The following BICC1 variants were observed in gnomAD, a reference collection of about 807,000 sequenced individuals.
BICC1 encodes the protein BicC family RNA binding protein 1, also known as protein bicaudal C homolog 1.
In BICC1, 43 loss-of-function variants were observed where a neutral mutation model predicts 111.0. That is an observed-to-expected ratio of 0.39 (90% confidence interval 0.30 to 0.50). BICC1 has a LOEUF of 0.50. Among genes scored for constraint, BICC1 ranks in the 20% least tolerant of loss-of-function variants. BICC1 has a pLI of 0.88. For missense variants in BICC1, 1,091 were observed against 1,203.2 expected (o/e 0.91, Z 1.38); for synonymous variants, 467 against 434.4 (o/e 1.07, Z -0.93).
At position 58,789,317 on chromosome 10, in the gene BICC1, C is replaced by T. The variant is rs758125959; in HGVS notation, c.656C>T (p.Pro219Leu). The change falls in exon 7 of 21, where the codon CCG becomes CTG. Residue 219 changes from proline (P) to leucine (L), a missense_variant. This residue lies in a region of BICC1 where 843 missense variants were observed against 900.8 expected (regional missense o/e 0.94). Transcript: ENST00000373886. ...CTACCAATTGCTGGAATTCTTCAAC[C>T]GGTTCCTGATCCTAATTCCCCCTCT... ...FELPIAGILQ[P>L]VPDPNSPSIQ... The T allele has an allele frequency of 4.0e-5, 65 of 1,613,778 alleles. No individual in the cohort carries two copies. Among genetic ancestry groups the T allele is most frequent in the East Asian group, 1.1e-4 (5 of 44,870 alleles).
intron 1 of BICC1, among the ~76,000 whole-genome samples, chr10:58,549,359 TG>T (rs1366507354): frequency 6.6e-6 from 1 of 152,174 alleles, no homozygotes; most frequent in East Asian, 1.9e-4. Context: ...TTTAAGACAC[TG>T]CCAAACTGTA....
intron 2 of BICC1, among the ~76,000 whole-genome samples, chr10:58,688,967 A>C (rs1482776390): frequency 6.6e-6 from 1 of 152,178 alleles, no homozygotes; most frequent in African/African-American, 2.4e-5. Flanking sequence ...ACCATGGCAC[A>C]TGTATACCTG....
In BICC1 at chr10:58,513,115, A is replaced by C; in HGVS notation, c.-29A>C. Reference sequence around the variant, plus strand: ...GCAGCGCAGGCAGAGCGGCGGCGGCAGCGGGAGCCCGAGCGCTGCGCGCCC... The same window carrying C: ...GCAGCGCAGGCAGAGCGGCGGCGGCCGCGGGAGCCCGAGCGCTGCGCGCCC... On this transcript the variant is annotated 5_prime_UTR_variant, in exon 1 of 21. Coordinates refer to ENST00000373886, the MANE Select transcript of BICC1 (RefSeq NM_001080512.3). 1.2e-5 allele frequency: 16 copies of C among 1,370,634 alleles called. No homozygotes were observed. The highest frequency in any genetic ancestry group is 1.5e-5 in the Non-Finnish European group (16 of 1,065,548). 84.9% of individuals were successfully genotyped at this position (1,370,634 alleles called of 1,614,324 possible).
chr10:58,607,344 A>ATAAATAAATAAATAAATAAATAAAT (rs1564510203), intron 1 of BICC1, among the ~76,000 whole-genome samples: 4 of 151,854 alleles, frequency 2.6e-5, no homozygotes, highest in South Asian at 2.1e-4. Flanking sequence ...AAATAAATAA[A>ATAAATAAATAAATAAATAAATAAAT]ACTGTCATGC....
In BICC1 at chr10:58,625,274, C is replaced by A. The variant is rs554264244; in HGVS notation, c.237+4373C>A. ...TTTCCTTTTAATCAGTTCTTTTTTT[C>A]TTTCTCTTGTGAAATGACTATGGTC... On this transcript the variant is annotated intron_variant, in intron 2 of 20. Transcript: ENST00000373886. Among the ~76,000 whole-genome samples, 4 of 152,136 alleles carry A rather than the reference C, an allele frequency of 2.6e-5. No homozygotes were observed. The South Asian group carries it at 8.3e-4, about 32-fold the overall frequency.
Position 58,799,129 on chromosome 10 carries a change from A to G in BICC1, c.1602A>G (p.Gly534=), listed in dbSNP as rs888578544. The stretch of plus-strand genomic sequence containing the variant: ...CATTAACTAATATTTTGTTGTCTGG[A>G]GTGCCCACCTATGGGCACACAGCTC... ...QATLTNILLS[G]VPTYGHTAPS... is the part of the protein sequence containing the mutation. The change falls in exon 12 of 21, where the codon GGA becomes GGG. Residue 534 remains glycine, a synonymous_variant. Coordinates refer to ENST00000373886, the MANE Select transcript of BICC1 (RefSeq NM_001080512.3). 2 of 1,613,616 alleles carry G rather than the reference A, an allele frequency of 1.2e-6. No individual in the cohort carries two copies. Among genetic ancestry groups the G allele is most frequent in the South Asian group, 1.1e-5 (1 of 91,052 alleles).
At position 58,801,013 on chromosome 10, in the gene BICC1, A is replaced by G. The variant is rs1338307477; in HGVS notation, c.1982A>G (p.Glu661Gly). Residue 661 changes from glutamate (E) to glycine (G), a missense_variant, in exon 14 of 21, where the codon GAA (glutamate) becomes GGA (glycine). Glu to Gly is a moderately conservative substitution (Grantham distance 98). Coordinates refer to ENST00000373886, the MANE Select transcript of BICC1 (RefSeq NM_001080512.3). Reference protein sequence around the residue: ...KVSCAKRQTVELLQGTKNSHL... With the variant: ...KVSCAKRQTVGLLQGTKNSHL... ...TCCTGTGCCAAAAGGCAGACAGTGGAACTATTGCAAGGCACGAAAAACTCA... is the reference window on the plus strand; with the variant it reads ...TCCTGTGCCAAAAGGCAGACAGTGGGACTATTGCAAGGCACGAAAAACTCA... 2 of 1,610,946 alleles carry G rather than the reference A, an allele frequency of 1.2e-6. No homozygotes were observed. The highest frequency in any genetic ancestry group is 3.4e-5 in the Admixed American group (2 of 59,402).
chr10:58,797,077 T>C (rs1207031022), intron 10 of BICC1, among the ~76,000 whole-genome samples: 2 of 152,146 alleles, frequency 1.3e-5, no homozygotes, highest in African/African-American at 2.4e-5. Flanking sequence ...TGAACAAACG[T>C]CATCATCTCA....
intron 3 of BICC1, among the ~76,000 whole-genome samples, chr10:58,703,999 G>A (rs892525493): frequency 8.5e-5 from 13 of 152,182 alleles, no homozygotes; most frequent in African/African-American, 2.9e-4. Context: ...TGTTCAAAAT[G>A]TGGTGGCAAC....
intron 2 of BICC1, among the ~76,000 whole-genome samples, chr10:58,670,302 GGTT>G (rs1839144468): frequency 6.6e-6 from 1 of 151,966 alleles, no homozygotes; most frequent in African/African-American, 2.4e-5. Flanking sequence ...TTTTGGGGGT[GGTT>G]GTTGTTAAAC....
chr10:58,753,224 A>G (rs1391946615), intron 3 of BICC1, among the ~76,000 whole-genome samples: 2 of 152,146 alleles, frequency 1.3e-5, no homozygotes, highest in Admixed American at 6.6e-5. Flanking sequence ...GTGCAGTGGC[A>G]TGATCATGAT....
chr10:58,547,395 G>A (rs1016442390), intron 1 of BICC1, among the ~76,000 whole-genome samples: 2 of 152,026 alleles, frequency 1.3e-5, no homozygotes, highest in Non-Finnish European at 2.9e-5. Context: ...GTATTTTTGG[G>A]GAGGAAGTCT....
Position 58,593,151 on chromosome 10 carries a change from C to T in BICC1, c.191-27704C>T, listed in dbSNP as rs533934588. ...CTGGGAAGTTCGAACTGGGTGGAGC[C>T]CACTGCAGCTCAGCAAGGCTGCTGT... On this transcript the variant is annotated intron_variant, in intron 1 of 20. Transcript: ENST00000373886. 2.6e-5 allele frequency among the ~76,000 whole-genome samples: 4 copies of T among 152,170 alleles called. No individual in the cohort carries two copies. In the South Asian group the frequency reaches 8.3e-4, roughly 32 times the overall value.
At chr10:58,745,522 A>C (rs1406509577) in intron 3 of BICC1, among the ~76,000 whole-genome samples, 1 of 151,704 alleles carries the variant, frequency 6.6e-6, no homozygotes, top group Non-Finnish European at 1.5e-5. Flanking sequence ...GGCTAAAGTC[A>C]ACGTGAAAGC....
chr10:58,606,971 G>A (rs185805287), intron 1 of BICC1, among the ~76,000 whole-genome samples: 1 of 152,086 alleles, frequency 6.6e-6, no homozygotes, highest in African/African-American at 2.4e-5. Context: ...TTTTAAAAAT[G>A]TTTCAAATCT....
intron 3 of BICC1, among the ~76,000 whole-genome samples, chr10:58,717,366 A>AC (rs1378335988): frequency 1.0e-4 from 1 of 9,816 alleles, no homozygotes; most frequent in Non-Finnish European, 2.0e-4. Flanking sequence ...TTAAAAAAAA[A>AC]AAAAAACAGC....
intron 3 of BICC1, among the ~76,000 whole-genome samples, chr10:58,752,700 A>G (rs1276283616): frequency 6.6e-6 from 1 of 152,212 alleles, no homozygotes; most frequent in Non-Finnish European, 1.5e-5. Flanking sequence ...TGAATGCTAA[A>G]GGACATTTCA....
chr10:58,798,655 A>G, intron 11 of BICC1, 95 bp downstream of exon 11: 13 of 1,180,358 alleles, frequency 1.1e-5, no homozygotes, highest in South Asian at 2.1e-5. Flanking sequence ...TCTTAAGGCA[A>G]AATTAGGGTT....
At chr10:58,657,108 G>A (rs1159142983) in intron 2 of BICC1, among the ~76,000 whole-genome samples, 1 of 151,998 alleles carries the variant, frequency 6.6e-6, no homozygotes, top group Non-Finnish European at 1.5e-5. Context: ...TTCTCCTCAC[G>A]TGCGCCATTC....
Sources: allele counts gnomAD v4.1 joint callset (sites outside exome capture counted in the v4.1 genomes callset), GRCh38; gene constraint gnomAD v4.1.1; regional missense constraint gnomAD v4.1.1; transcripts MANE v1.5; gene names NCBI Gene and HGNC (gene_info 2026-07-23, HGNC 2026-07-21).